Variants in CHTOP observed in about 807,000 individuals in gnomAD.
The protein encoded by CHTOP is chromatin target of PRMT1 protein.
CHTOP carries 18 observed loss-of-function variants against 33.6 expected under a neutral mutation model. The ratio of observed to expected loss-of-function variants is 0.54; its 90% CI spans 0.37 to 0.80. The LOEUF (loss-of-function observed/expected upper bound fraction) is 0.80. CHTOP is among the 30% of genes least tolerant of loss of function. CHTOP has a pLI of 0.00. For missense variants in CHTOP, 263 were observed against 336.8 expected, an observed-to-expected ratio of 0.78 and a Z score of 1.71; for synonymous variants, 117 against 127.7, an observed-to-expected ratio of 0.92 and a Z score of 0.56.
chr1:153,643,562 G>A (rs1668701466), intron 5 of CHTOP, 198 bp downstream of exon 5: 1 of 520,338 alleles, frequency 1.9e-6, no homozygotes, highest in Non-Finnish European at 3.2e-6. Flanking sequence ...AATCAATCAA[G>A]TGCATATTAT....
At chr1:153,641,889 C>A (rs187383447) in intron 3 of CHTOP, among the ~76,000 whole-genome samples, 48 of 152,300 alleles carry the variant, frequency 3.2e-4, no homozygotes, top group Middle Eastern at 3.4e-3. Context: ...ACCTGTAGTT[C>A]AAAAGCAGTA....
At position 153,643,053 on chromosome 1, in the gene CHTOP, T is replaced by C. The variant is rs144027305; in HGVS notation, c.404-174T>C. ...AAAAATGGATTTGTGGTCAGACTTG[T>C]TGAATTGATTGAATAAAGAGTAGCT... On this transcript the variant is annotated intron_variant, in intron 4 of 5. Coordinates refer to ENST00000368694, the MANE Select transcript of CHTOP (RefSeq NM_015607.4). 1,024 of 720,334 alleles carry C rather than the reference T, an allele frequency of 1.4e-3. 4 individuals are homozygous for C. The African/African-American group carries it at 0.016, about 11-fold the overall frequency. 44.6% of individuals were successfully genotyped at this position (720,334 alleles called of 1,614,324 possible). A position where few individuals can be genotyped will look rare whatever the true frequency, so the allele number is the denominator to read the frequency against.
chr1:153,636,648 T>C lies in CHTOP; in HGVS notation c.60T>C (p.Asn20=), dbSNP rs762693388. The part of the protein sequence containing the change: ...VLKSTTKMSL[N]ERFTNMLKNK... ...AAAGCACCACCAAGATGTCTCTAAA[T>C]GAGCGGTGAGGCAGCCAACAGCAAC... The change falls in exon 2 of 6, where the codon AAT becomes AAC. Residue 20 remains asparagine (N), a synonymous_variant. Transcript: ENST00000368694. 13 of 1,613,170 alleles carry C rather than the reference T, an allele frequency of 8.1e-6. No homozygotes were observed. The highest frequency in any genetic ancestry group is 1.7e-5 in the Admixed American group (1 of 59,974).
chr1:153,643,526 T>C (rs1261579559), intron 5 of CHTOP, 162 bp downstream of exon 5: 2 of 678,962 alleles, frequency 2.9e-6, no homozygotes, highest in Non-Finnish European at 4.5e-6. Flanking sequence ...ATGCTGGTAG[T>C]GCAAAAGTCT....
intron 1 of CHTOP, among the ~76,000 whole-genome samples, chr1:153,634,971 A>T (rs1668296981): frequency 6.6e-6 from 1 of 151,934 alleles, no homozygotes; most frequent in Non-Finnish European, 1.5e-5. Flanking sequence ...CTCCTGCCTC[A>T]GCCTCCGGAG....
rs1449556405 is a variant in CHTOP, at chr1:153,642,310, T to A, written c.284T>A (p.Leu95Gln). The A allele has an allele frequency of 2.5e-6, 4 of 1,614,040 alleles. No homozygotes were observed. Among genetic ancestry groups the A allele is most frequent in the Non-Finnish European group, 2.5e-6 (3 of 1,180,000 alleles). ...CGGTTAGGCCGACCCATAGGGGCCCTGGCCAGGGGAGCAATCGGAGGACGA... is the reference window on the plus strand; with the variant it reads ...CGGTTAGGCCGACCCATAGGGGCCCAGGCCAGGGGAGCAATCGGAGGACGA... ...QARLGRPIGA[L>Q]ARGAIGGRGL... Residue 95 changes from leucine to glutamine, a missense_variant, in exon 4 of 6, where the codon CTG (leucine) becomes CAG (glutamine). By Grantham distance (113) the Leu-to-Gln change is moderately radical. This residue lies in a region of CHTOP where 168 missense variants were observed against 179.9 expected (regional missense o/e 0.93). Coordinates refer to ENST00000368694, the MANE Select transcript of CHTOP (RefSeq NM_015607.4).
chr1:153,636,596 C>T lies in CHTOP; in HGVS notation c.8C>T (p.Ala3Val), dbSNP rs1295608020. MA[A>V]QSAPKVVLKS... Reference sequence around the variant, plus strand: ...GATTCTCGGGATTCGAAGATGGCTGCACAGTCAGCGCCGAAAGTTGTGCTA... The same window carrying T: ...GATTCTCGGGATTCGAAGATGGCTGTACAGTCAGCGCCGAAAGTTGTGCTA... The change falls in exon 2 of 6, where the codon GCA (alanine) becomes GTA (valine). Residue 3 changes from alanine to valine, a missense_variant. Ala to Val is a moderately conservative substitution (Grantham distance 64). Coordinates refer to ENST00000368694, the MANE Select transcript of CHTOP (RefSeq NM_015607.4). 1.9e-6 allele frequency: 3 copies of T among 1,612,848 alleles called. No individual in the cohort carries two copies. Among genetic ancestry groups the T allele is most frequent in the Admixed American group, 3.3e-5 (2 of 59,970 alleles).
intron 1 of CHTOP, among the ~76,000 whole-genome samples, chr1:153,634,720 A>G (rs2101673351): frequency 8.5e-6 from 1 of 117,744 alleles, no homozygotes; most frequent in East Asian, 2.6e-4. Context: ...TTCCCAGGTG[A>G]ATTTAGAAAA....
intron 2 of CHTOP, chr1:153,636,895 A>T: frequency 4.4e-6 from 2 of 451,166 alleles, no homozygotes; most frequent in Non-Finnish European, 8.1e-6. Context: ...ATTTTAAAAG[A>T]CTCCTAACAC....
At chr1:153,639,557 C>T (rs1032592258) in intron 3 of CHTOP, 1 of 197,172 alleles carries the variant, frequency 5.1e-6, no homozygotes, top group East Asian at 1.9e-4. Flanking sequence ...CAAAAATAAA[C>T]AAGGGTGTCT....
Position 153,645,170 on chromosome 1 carries a change from G to A in CHTOP, c.648G>A (p.Leu216=), listed in dbSNP as rs752122660. 8.7e-5 allele frequency: 141 copies of A among 1,614,054 alleles called. No individual in the cohort carries two copies. The highest frequency in any genetic ancestry group is 8.4e-5 in the Non-Finnish European group (99 of 1,180,044). Residue 216 remains leucine (L), a synonymous_variant, in exon 6 of 6, where the codon CTG becomes CTA. Coordinates refer to ENST00000368694, the MANE Select transcript of CHTOP (RefSeq NM_015607.4). ...GCCCTGTATTGACCAAGGAGCAGCT[G>A]GACAACCAATTGGATGCATATATGT... The part of the protein sequence containing the change: ...LARPVLTKEQ[L]DNQLDAYMSK...
chr1:153,643,391 T>A (rs1447188963), intron 5 of CHTOP, 27 bp downstream of exon 5: 1 of 1,494,544 alleles, frequency 6.7e-7, no homozygotes, highest in Non-Finnish European at 8.9e-7. Context: ...CTTCAGAGAG[T>A]AGCTCCCCCT....
At chr1:153,645,042 T>TC in intron 5 of CHTOP, 22 bp from the exon 6 acceptor site, 1 of 1,591,544 alleles carries the variant, frequency 6.3e-7, no homozygotes, top group South Asian at 1.1e-5. Flanking sequence ...CTCTTTTTTT[T>TC]TTTTTTTCCC....
At chr1:153,637,802 A>G (rs991608479) in intron 2 of CHTOP, 1 of 154,858 alleles carries the variant, frequency 6.5e-6, no homozygotes, top group African/African-American at 2.4e-5. Flanking sequence ...TTATGTTTGC[A>G]TAATATTTAT....
chr1:153,639,878 G>A (rs914522038), intron 3 of CHTOP, among the ~76,000 whole-genome samples: 5 of 152,052 alleles, frequency 3.3e-5, no homozygotes, highest in African/African-American at 1.2e-4. Flanking sequence ...TGCAGCCTCC[G>A]CCTCCCGGGT....
At chr1:153,639,200 A>G (rs1028364324) in intron 3 of CHTOP, among the ~76,000 whole-genome samples, 3 of 152,212 alleles carry the variant, frequency 2.0e-5, no homozygotes, top group African/African-American at 7.2e-5. Context: ...TTTCAATGCT[A>G]AAATATACAG....
intron 2 of CHTOP, 123 bp downstream of exon 2, chr1:153,636,776 C>G: frequency 2.6e-6 from 2 of 769,890 alleles, no homozygotes; most frequent in Non-Finnish European, 4.3e-6. Flanking sequence ...GACCTCTGTT[C>G]TTAGTTGCAT....
chr1:153,645,056 TGGG>T lies in CHTOP; in HGVS notation c.542-7_542-5del. On this transcript the variant is annotated splice_region_variant and splice_polypyrimidine_tract_variant and intron_variant, in intron 5 of 5. Coordinates refer to ENST00000368694, the MANE Select transcript of CHTOP (RefSeq NM_015607.4). ...TCTCTTTTTTTTTTTTTTTCCCCTT[TGGG>T]CCAGGTCGGGGTATGATAGGTCGGG... 1 of 1,595,586 alleles carries T rather than the reference TGGG, an allele frequency of 6.3e-7. No homozygotes were observed. The highest frequency in any genetic ancestry group is 8.5e-7 in the Non-Finnish European group (1 of 1,171,834).
At chr1:153,636,409 C>CA (rs35357072) in intron 1 of CHTOP, among the ~76,000 whole-genome samples, 163 bp from the exon 2 acceptor site, 73,940 of 122,468 alleles carry the variant, frequency 0.6, 20,667 homozygotes, top group East Asian at 0.72. Flanking sequence ...GACCCTGTCT[C>CA]AAAAAAAAAA....
Sources: gnomAD v4.1 joint callset for allele counts (sites outside exome capture counted in the v4.1 genomes callset) on GRCh38, gnomAD v4.1.1 for gene constraint, gnomAD v4.1.1 regional missense constraint, MANE v1.5 for transcripts, NCBI Gene and HGNC (gene_info 2026-07-23, HGNC 2026-07-21) for gene names.